The following MMP8 variants were observed in gnomAD, a reference collection of about 807,000 sequenced individuals.
MMP8 encodes the protein matrix metallopeptidase 8.
Under a neutral mutation model 51.2 loss-of-function variants are expected in MMP8, and 67 were observed. The ratio of observed to expected loss-of-function variants is 1.31; its 90% CI spans 1.08 to 1.60. The LOEUF is 1.60. MMP8 is among the 40% of genes most tolerant of loss of function. The pLI, the probability that MMP8 is intolerant of heterozygous loss-of-function variation, is 0.00. For synonymous variants in MMP8, 225 were observed against 191.0 expected, an observed-to-expected ratio of 1.18 and a Z score of -1.47; for missense variants, 654 against 558.1, an observed-to-expected ratio of 1.17 and a Z score of -1.73.
Position 102,713,796 on chromosome 11 carries a change from G to C in MMP8, c.1252C>G (p.Pro418Ala). Residue 418 changes from proline (P) to alanine (A), a missense_variant, in exon 9 of 10, where the codon CCA becomes GCA. Coordinates refer to ENST00000236826, the MANE Select transcript of MMP8 (RefSeq NM_002424.3). The stretch of plus-strand genomic sequence containing the variant: ...GCATCAACTTTACTCTCTATTCCTG[G>C]AAAGGCACCTGATATGCTTTTGGGA... ...GYPKSISGAF[P>A]GIESKVDAVF... 6.2e-7 allele frequency: 1 copy of C among 1,611,908 alleles called. No homozygotes were observed. Among genetic ancestry groups the C allele is most frequent in the Non-Finnish European group, 8.5e-7 (1 of 1,179,098 alleles).
chr11:102,713,640 A>T (rs561398760), intron 9 of MMP8, 114 bp downstream of exon 9: 28 of 1,059,206 alleles, frequency 2.6e-5, no homozygotes, highest in Admixed American at 1.4e-4. Context: ...CTGAGGTGGG[A>T]GGATTGCTTG....
In MMP8 at chr11:102,716,520, T is replaced by TA. The variant is rs202005552; in HGVS notation, c.785-102_785-101insT. On this transcript the variant is annotated intron_variant, in intron 5 of 9. Transcript: ENST00000236826. Reference sequence around the variant, plus strand: ...AGACTTCTCAGAAAGGTGAAGGGTCTTCATGTGAAGGTAAGTGCTACCAGA... The same window carrying TA: ...AGACTTCTCAGAAAGGTGAAGGGTCTATCATGTGAAGGTAAGTGCTACCAGA... 3,610 of 631,694 alleles carry TA rather than the reference T, an allele frequency of 5.7e-3. 99 individuals are homozygous for TA. In the African/African-American group the frequency reaches 0.061, roughly 11 times the overall value. The allele number at this position is 631,694 out of a possible 1,614,324, so 39.1% of individuals were successfully genotyped here.
intron 4 of MMP8, among the ~76,000 whole-genome samples, 187 bp from the exon 5 acceptor site, chr11:102,718,762 T>C (rs1273020566): frequency 6.6e-6 from 1 of 152,210 alleles, no homozygotes; most frequent in Non-Finnish European, 1.5e-5. Context: ...ATAGTGGTCA[T>C]AGATGGCGAC....
At position 102,712,576 on chromosome 11, in the gene MMP8, T is replaced by C. The variant is rs1861156537; in HGVS notation, c.*772A>G. ...CTTGCCTCTTCAAAGCTTCTACTGG[T>C]GGCTTACAGTCCTTGGAATTCCTTG... is the stretch of plus-strand genomic sequence containing the variant. On this transcript the variant is annotated 3_prime_UTR_variant, in exon 10 of 10. Transcript: ENST00000236826. The C allele has an allele frequency of 6.6e-6, 1 of 152,248 alleles. No individual in the cohort carries two copies. Among genetic ancestry groups the C allele is most frequent in the Admixed American group, 6.5e-5 (1 of 15,278 alleles). The allele number at this position is 152,248 out of a possible 1,614,324, so 9.4% of individuals were successfully genotyped here.
intron 6 of MMP8, 90 bp downstream of exon 6, chr11:102,716,211 GA>G: frequency 7.5e-6 from 7 of 928,186 alleles, no homozygotes; most frequent in Admixed American, 2.3e-5. Flanking sequence ...AGAATTCAAG[GA>G]AAAGGTGACT....
At position 102,715,312 on chromosome 11, in the gene MMP8, A is replaced by G; in HGVS notation, c.1028T>C (p.Leu343Pro). The change falls in exon 7 of 10, where the codon CTA (leucine) becomes CCA (proline). Residue 343 changes from leucine to proline, a missense_variant. Physicochemically the swap from Leu to Pro is moderately conservative, Grantham distance 98. Transcript: ENST00000236826. ...AAACTTTAGGAAGTTACCTTTAAAT[A>G]GGAAAATGAGGTCTCTGTCAAAATC... ...YEDFDRDLIF[L>P]FKGNQYWALS... 1 of 1,609,912 alleles carries G rather than the reference A, an allele frequency of 6.2e-7. No individual in the cohort carries two copies. Among genetic ancestry groups the G allele is most frequent in the Non-Finnish European group, 8.5e-7 (1 of 1,178,680 alleles).
In MMP8 at chr11:102,714,762, T is replaced by TTATA. The variant is rs58774554; in HGVS notation, c.1037-57_1037-54dup. 6.9e-3 allele frequency: 1,211 copies of TTATA among 176,480 alleles called. 26 individuals carry two copies. Among genetic ancestry groups the TTATA allele is most frequent in the East Asian group, 9.2e-3 (36 of 3,918 alleles). 10.9% of individuals were successfully genotyped at this position (176,480 alleles called of 1,614,324 possible). A position where few individuals can be genotyped will look rare whatever the true frequency, so the allele number is the denominator to read the frequency against. Reference sequence around the variant, plus strand: ...ATACGACTTTTCCATTTTTACAAAATTATATATATATATATATATATATAT... The same window carrying TTATA: ...ATACGACTTTTCCATTTTTACAAAATTATATATATATATATATATATATATATAT... On this transcript the variant is annotated intron_variant, in intron 7 of 9. Transcript: ENST00000236826.
chr11:102,724,628 T>C (rs1001986673), intron 1 of MMP8, 126 bp downstream of exon 1: 4 of 807,514 alleles, frequency 5.0e-6, no homozygotes, highest in Non-Finnish European at 7.6e-6. Context: ...TAAAAGGAGA[T>C]GTTCAATCTC....
rs917661608 is a variant in MMP8, at chr11:102,719,443, T to C, written c.623-868A>G. 2.7e-5 allele frequency among the ~76,000 whole-genome samples: 4 copies of C among 149,438 alleles called. No homozygotes were observed. In the South Asian group the frequency reaches 8.3e-4, roughly 31 times the overall value. On this transcript the variant is annotated intron_variant, in intron 4 of 9. Transcript: ENST00000236826. Reference sequence around the variant, plus strand: ...ACCTACAACATACTAGGCAATCTAATGTTATGCAATCCTCATAACATTTTT... The same window carrying C: ...ACCTACAACATACTAGGCAATCTAACGTTATGCAATCCTCATAACATTTTT...
chr11:102,719,299 T>C (rs1204708597), intron 4 of MMP8, among the ~76,000 whole-genome samples: 1 of 152,134 alleles, frequency 6.6e-6, no homozygotes, highest in Admixed American at 6.5e-5. Context: ...CCAGCAGATA[T>C]TTGAGTGCTT....
intron 5 of MMP8, among the ~76,000 whole-genome samples, chr11:102,717,435 C>T (rs925059251): frequency 1.3e-5 from 2 of 152,128 alleles, no homozygotes; most frequent in Non-Finnish European, 2.9e-5. Flanking sequence ...TGTTTATATA[C>T]ATTTTAAATT....
intron 8 of MMP8, 89 bp from the exon 9 acceptor site, chr11:102,713,946 C>G (rs1001675906): frequency 1.3e-6 from 1 of 789,614 alleles, no homozygotes; most frequent in African/African-American, 1.8e-5. Context: ...TACAAAGTCT[C>G]CTCACACATA....
chr11:102,721,352 A>G, intron 4 of MMP8, 49 bp downstream of exon 4: 3 of 1,606,990 alleles, frequency 1.9e-6, no homozygotes, highest in Non-Finnish European at 2.6e-6. Context: ...TCTAATCTGT[A>G]AAAGGTTAAT....
At chr11:102,716,106 A>T (rs1042559992) in intron 6 of MMP8, among the ~76,000 whole-genome samples, 196 bp downstream of exon 6, 2 of 152,158 alleles carry the variant, frequency 1.3e-5, no homozygotes, top group Non-Finnish European at 2.9e-5. Context: ...AATAGTCTTT[A>T]AAAGACGAAG....
At chr11:102,724,610 C>G (rs1861566192) in intron 1 of MMP8, 144 bp downstream of exon 1, 7 of 702,442 alleles carry the variant, frequency 1.0e-5, no homozygotes, top group Non-Finnish European at 1.6e-5. Context: ...TGGAACCCTC[C>G]AAATCACTAA....
At position 102,721,660 on chromosome 11, in the gene MMP8, C is replaced by G. The variant is rs35010974; in HGVS notation, c.450G>C (p.Arg150Ser). 1 of 1,613,746 alleles carries G rather than the reference C, an allele frequency of 6.2e-7. No individual in the cohort carries two copies. The highest frequency in any genetic ancestry group is 1.3e-5 in the African/African-American group (1 of 74,890). The change falls in exon 3 of 10, where the codon AGG becomes AGC. Residue 150 changes from arginine (R) to serine (S), a missense_variant. Arg to Ser is a moderately radical substitution (Grantham distance 110). Coordinates refer to ENST00000236826, the MANE Select transcript of MMP8 (RefSeq NM_002424.3). ...TGATATCTGCCTCTCCCTGTGAGAT[C>G]CTGGTGAAGATGAGAGGTGATGCAA... The part of the protein sequence containing the change: ...WSVASPLIFT[R>S]ISQGEADINI...
At position 102,718,446 on chromosome 11, in the gene MMP8, TGAG is replaced by T. The variant is rs1423570975; in HGVS notation, c.749_751del (p.Pro250del). 1 of 1,613,244 alleles carries T rather than the reference TGAG, an allele frequency of 6.2e-7. No individual in the cohort carries two copies. Among genetic ancestry groups the T allele is most frequent in the Non-Finnish European group, 8.5e-7 (1 of 1,179,618 alleles). On this transcript the variant is annotated inframe_deletion, in exon 5 of 10. Transcript: ENST00000236826. ...GGCCTGAATGCCATCGATGTCATCT[TGAG>T]GGAGTGAGTAGTTGCTGGTTTCCCT...
chr11:102,716,000 G>A (rs1336116238), intron 6 of MMP8, among the ~76,000 whole-genome samples: 1 of 151,966 alleles, frequency 6.6e-6, no homozygotes, highest in African/African-American at 2.4e-5. Context: ...CTGAATGTTT[G>A]TGAATGTTTT....
Position 102,714,649 on chromosome 11 carries a change from G to C in MMP8, c.1097C>G (p.Ser366Ter). 1.3e-6 allele frequency: 2 copies of C among 1,555,270 alleles called. No homozygotes were observed. The highest frequency in any genetic ancestry group is 1.7e-6 in the Non-Finnish European group (2 of 1,154,046). ...GACGCTGCTGGGGAAGCCATAGTTT[G>C]ATATATCCTTGGGATAACCTTGCAG... The part of the protein sequence containing the change: ...DILQGYPKDI[S>*]NYGFPSSVQA... Residue 366 changes from serine (S) to a stop codon, truncating the protein, a stop_gained, in exon 8 of 10, where the codon TCA becomes TGA. Transcript: ENST00000236826. LOFTEE classifies it high-confidence loss of function.
Sources: allele counts gnomAD v4.1 joint callset (sites outside exome capture counted in the v4.1 genomes callset), GRCh38; gene constraint gnomAD v4.1.1; transcripts MANE v1.5; gene names NCBI Gene and HGNC (gene_info 2026-07-23, HGNC 2026-07-21).